Variants in PMF1 observed in about 807,000 individuals in gnomAD.
PMF1 encodes polyamine-modulated factor 1.
Under a neutral mutation model 26.7 loss-of-function variants are expected in PMF1, and 21 were observed. The ratio of observed to expected loss-of-function variants is 0.79; its 90% CI spans 0.56 to 1.13. The LOEUF is 1.13. Ranked by LOEUF, PMF1 falls within the 50% of genes most tolerant of loss-of-function variation. The pLI is 0.00. For synonymous variants in PMF1, 105 were observed against 101.0 expected (o/e 1.04, Z -0.24); for missense variants, 266 against 254.9 (o/e 1.04, Z -0.30).
intron 1 of PMF1, among the ~76,000 whole-genome samples, chr1:156,224,592 G>A (rs1053043306): frequency 2.6e-5 from 4 of 151,738 alleles, no homozygotes; most frequent in African/African-American, 4.8e-5. Context: ...GTGAAACCCC[G>A]TCTCTACTAA....
chr1:156,216,481 G>T (rs1003034492), intron 1 of PMF1, among the ~76,000 whole-genome samples: 1 of 152,182 alleles, frequency 6.6e-6, no homozygotes, highest in Non-Finnish European at 1.5e-5. Flanking sequence ...TGGAGAGGTT[G>T]GGACTCTGGA....
intron 4 of PMF1, chr1:156,237,307 C>G (rs1452091301): frequency 2.0e-5 from 3 of 152,054 alleles, no homozygotes; most frequent in African/African-American, 7.3e-5. Flanking sequence ...ACACCTTTTA[C>G]CTAACTGTAT....
At chr1:156,221,984 C>G (rs1658106101) in intron 1 of PMF1, among the ~76,000 whole-genome samples, 1 of 152,240 alleles carries the variant, frequency 6.6e-6, no homozygotes, top group Non-Finnish European at 1.5e-5. Flanking sequence ...TGCCTCCAAA[C>G]TGGCCCTCCA....
chr1:156,217,979 C>T (rs746490206), intron 1 of PMF1, among the ~76,000 whole-genome samples: 1 of 152,208 alleles, frequency 6.6e-6, no homozygotes, highest in Non-Finnish European at 1.5e-5. Flanking sequence ...TACCTCTGTT[C>T]CATCAGATTA....
chr1:156,232,375 A>G lies in PMF1; in HGVS notation c.217A>G (p.Thr73Ala), dbSNP rs945773581. 6.2e-7 allele frequency: 1 copy of G among 1,614,070 alleles called. No individual in the cohort carries two copies. The change falls in exon 2 of 5, where the codon ACA (threonine) becomes GCA (alanine). Residue 73 changes from threonine to alanine, a missense_variant. Transcript: ENST00000368277. Reference sequence around the variant, plus strand: ...CTTCTACCAGTTGCAGCCTGCGATGACACAGCAAATCTATGACAAGTTTAT... The same window carrying G: ...CTTCTACCAGTTGCAGCCTGCGATGGCACAGCAAATCTATGACAAGTTTAT... Reference protein sequence around the residue: ...KCFYQLQPAMTQQIYDKFIAQ... With the variant: ...KCFYQLQPAMAQQIYDKFIAQ...
At chr1:156,223,963 T>C (rs896253538) in intron 1 of PMF1, 10 of 152,208 alleles carry the variant, frequency 6.6e-5, no homozygotes, top group Admixed American at 5.9e-4. Context: ...ATTAAATGAA[T>C]ACAATTATCC....
intron 1 of PMF1, among the ~76,000 whole-genome samples, chr1:156,220,019 A>G (rs1237666473): frequency 6.9e-6 from 1 of 145,070 alleles, no homozygotes; most frequent in Non-Finnish European, 1.5e-5. Flanking sequence ...GCTGGAGTGC[A>G]GTGGCGCTGT....
rs752092773 is a variant in PMF1 at position 156,239,522 on chromosome 1, TG to T, written c.565-25del. ...ATTTGGGTTTTCTTAGATCCCAGTT[TG>T]TCTGTTGTCTCCCATTGATTTCAGG... On this transcript the variant is annotated intron_variant, in intron 4 of 4. Coordinates refer to ENST00000368277, the MANE Select transcript of PMF1 (RefSeq NM_007221.4). 3.5e-5 allele frequency: 56 copies of T among 1,605,372 alleles called. No homozygotes were observed. In the East Asian group the frequency reaches 1.2e-3, roughly 35 times the overall value.
intron 4 of PMF1, among the ~76,000 whole-genome samples, chr1:156,238,985 A>G (rs748478305): frequency 1.3e-5 from 2 of 151,154 alleles, no homozygotes; most frequent in Non-Finnish European, 2.9e-5. Flanking sequence ...GCGCTGCTCC[A>G]CTATCGCCAC....
intron 1 of PMF1, among the ~76,000 whole-genome samples, chr1:156,216,305 C>G (rs1657695870): frequency 6.6e-6 from 1 of 152,098 alleles, no homozygotes; most frequent in East Asian, 1.9e-4. Context: ...GCAGGAGAAT[C>G]GCTTGAACCT....
intron 3 of PMF1, among the ~76,000 whole-genome samples, chr1:156,234,708 C>G (rs570022758): frequency 6.6e-6 from 1 of 152,044 alleles, no homozygotes; most frequent in Non-Finnish European, 1.5e-5. Context: ...GGGGTTTCAC[C>G]ATGTTGGCCA....
chr1:156,226,627 G>A (rs1658384484), intron 1 of PMF1, among the ~76,000 whole-genome samples: 1 of 152,212 alleles, frequency 6.6e-6, no homozygotes, highest in African/African-American at 2.4e-5. Context: ...CAATGTGCTG[G>A]GCACCGTACT....
intron 1 of PMF1, among the ~76,000 whole-genome samples, chr1:156,226,798 C>T (rs1658395082): frequency 6.6e-6 from 1 of 152,148 alleles, no homozygotes; most frequent in African/African-American, 2.4e-5. Flanking sequence ...GATTTGAATC[C>T]AGGGAAAATG....
intron 4 of PMF1, 188 bp downstream of exon 4, chr1:156,236,671 A>C: frequency 1.4e-6 from 1 of 732,396 alleles, no homozygotes; most frequent in Non-Finnish European, 2.2e-6. Flanking sequence ...CTCAGCAGAC[A>C]GTCTCCCCCA....
At chr1:156,214,224 T>G (rs1318450212) in intron 1 of PMF1, among the ~76,000 whole-genome samples, 2 of 152,160 alleles carry the variant, frequency 1.3e-5, no homozygotes, top group African/African-American at 4.8e-5. Context: ...TTCACTTTTA[T>G]ATAATTTATA....
chr1:156,231,605 A>T (rs982612496), intron 1 of PMF1, among the ~76,000 whole-genome samples: 2 of 151,592 alleles, frequency 1.3e-5, no homozygotes, highest in Non-Finnish European at 2.9e-5. Flanking sequence ...TGGGAGGCTG[A>T]GGTAGGAGAA....
intron 3 of PMF1, 55 bp downstream of exon 3, chr1:156,233,783 T>A: frequency 8.3e-7 from 1 of 1,206,912 alleles, no homozygotes; most frequent in Non-Finnish European, 1.1e-6. Flanking sequence ...CAATTAAGCT[T>A]TTTTTTTTTT....
At chr1:156,219,323 A>G (rs1013816343) in intron 1 of PMF1, among the ~76,000 whole-genome samples, 1 of 152,138 alleles carries the variant, frequency 6.6e-6, no homozygotes, top group African/African-American at 2.4e-5. Context: ...TACTCTTTAA[A>G]TCTTTAATCT....
chr1:156,215,861 G>T (rs1329446346), intron 1 of PMF1, among the ~76,000 whole-genome samples: 1 of 152,056 alleles, frequency 6.6e-6, no homozygotes, highest in African/African-American at 2.4e-5. Flanking sequence ...GCTAATTTTC[G>T]TATTTTTAGT....
Sources: allele counts gnomAD v4.1 joint callset (sites outside exome capture counted in the v4.1 genomes callset), GRCh38; gene constraint gnomAD v4.1.1; transcripts MANE v1.5; gene names NCBI Gene and HGNC (gene_info 2026-07-23, HGNC 2026-07-21).